The following FSD2 variants were observed in gnomAD, a reference collection of about 807,000 sequenced individuals.
FSD2 encodes the protein fibronectin type III and SPRY domain-containing protein 2.
In FSD2, 71 loss-of-function variants were observed where a neutral mutation model predicts 80.4. The observed-to-expected ratio is 0.88, with a 90% CI of 0.73 to 1.08. The LOEUF (loss-of-function observed/expected upper bound fraction) is 1.08. FSD2 is among the 50% of genes least tolerant of loss of function. The pLI, the probability that FSD2 is intolerant of heterozygous loss-of-function variation, is 0.00. For synonymous variants in FSD2, 361 were observed against 329.5 expected, an observed-to-expected ratio of 1.10 and a Z score of -1.03; for missense variants, 923 against 913.8, an observed-to-expected ratio of 1.01 and a Z score of -0.13.
At chr15:82,785,086 C>T (rs1029929910) in intron 3 of FSD2, among the ~76,000 whole-genome samples, 2 of 152,012 alleles carry the variant, frequency 1.3e-5, no homozygotes, top group African/African-American at 4.8e-5. Context: ...CTCTAGGGGC[C>T]AATATGACTA....
chr15:82,784,897 T>A (rs2049958912), intron 3 of FSD2, among the ~76,000 whole-genome samples: 1 of 152,170 alleles, frequency 6.6e-6, no homozygotes, highest in Admixed American at 6.5e-5. Flanking sequence ...TTACCATGTA[T>A]CTACTAGGGC....
chr15:82,772,316 A>C, intron 6 of FSD2, 88 bp from the exon 7 acceptor site: 1 of 1,330,998 alleles, frequency 7.5e-7, no homozygotes, highest in Non-Finnish European at 1.0e-6. Context: ...TGATCCCCCC[A>C]ATGAATCCAC....
At chr15:82,791,886 C>T (rs2050160171) in intron 1 of FSD2, among the ~76,000 whole-genome samples, 1 of 152,190 alleles carries the variant, frequency 6.6e-6, no homozygotes, top group Admixed American at 6.5e-5. Context: ...TTTCAAGATT[C>T]ATCCATGTCG....
chr15:82,781,955 T>C (rs893892756), intron 4 of FSD2, among the ~76,000 whole-genome samples: 4 of 149,854 alleles, frequency 2.7e-5, no homozygotes, highest in Non-Finnish European at 5.9e-5. Flanking sequence ...TCCCAGCTAC[T>C]CAGGAGGCTG....
chr15:82,755,995 G>C lies in FSD2; in HGVS notation c.*3353C>G, dbSNP rs750686216. 1 of 516,270 alleles carries C rather than the reference G, an allele frequency of 1.9e-6. No individual in the cohort carries two copies. Among genetic ancestry groups the C allele is most frequent in the Non-Finnish European group, 3.9e-6 (1 of 258,620 alleles). 32.0% of individuals were successfully genotyped at this position (516,270 alleles called of 1,614,324 possible). On this transcript the variant is annotated 3_prime_UTR_variant, in exon 13 of 13. Transcript: ENST00000334574. ...TGAAATCAAGCTGACTCTGCTTTTA[G>C]CCTCCTAAATGAAAAGGTAGATAGA...
At chr15:82,759,858 A>G (rs1363632457) in intron 12 of FSD2, among the ~76,000 whole-genome samples, 2 of 151,618 alleles carry the variant, frequency 1.3e-5, no homozygotes, top group Non-Finnish European at 2.9e-5. Context: ...CAGTGGTGCA[A>G]TCTCGGCTCA....
chr15:82,799,796 G>C (rs1198507006), intron 1 of FSD2, among the ~76,000 whole-genome samples: 1 of 152,214 alleles, frequency 6.6e-6, no homozygotes, highest in Non-Finnish European at 1.5e-5. Context: ...CGTAGAGTCA[G>C]AAAGTCTAGA....
At chr15:82,781,173 T>C (rs998430316) in intron 4 of FSD2, among the ~76,000 whole-genome samples, 8 of 152,258 alleles carry the variant, frequency 5.3e-5, no homozygotes, top group Admixed American at 5.2e-4. Flanking sequence ...CATCATTTAC[T>C]TGATGGTTCT....
In FSD2 at chr15:82,765,920, C is replaced by T. The variant is rs1405036913; in HGVS notation, c.1665G>A (p.Glu555=). 1.9e-6 allele frequency: 3 copies of T among 1,610,444 alleles called. No individual in the cohort carries two copies. The highest frequency in any genetic ancestry group is 2.5e-6 in the Non-Finnish European group (3 of 1,178,798). The part of the protein sequence containing the change: ...LNMGGPSVRS[E]PATVHTIGSY... The stretch of plus-strand genomic sequence containing the variant: ...GACCTATGGTGTGGACTGTAGCTGG[C>T]TCGCTCCTCACGCTGGGGCCCCCCA... The change falls in exon 10 of 13, where the codon GAG becomes GAA. Residue 555 remains glutamate, a synonymous_variant. Coordinates refer to ENST00000334574, the MANE Select transcript of FSD2 (RefSeq NM_001007122.4).
chr15:82,787,141 G>A lies in FSD2; in HGVS notation c.250C>T (p.His84Tyr), dbSNP rs1269708101. 3 of 1,613,854 alleles carry A rather than the reference G, an allele frequency of 1.9e-6. No homozygotes were observed. The Admixed American group carries it at 5.0e-5, about 27-fold the overall frequency. ...TCAACAAACTCATCCCCTAATTCATGATCATCTTCAAGTCCATATAAGTGG... is the reference window on the plus strand; with the variant it reads ...TCAACAAACTCATCCCCTAATTCATAATCATCTTCAAGTCCATATAAGTGG... ...LVHLYGLEDD[H>Y]ELGDEFVDEN... The change falls in exon 2 of 13, where the codon CAT (histidine) becomes TAT (tyrosine). Residue 84 changes from histidine to tyrosine, a missense_variant. By Grantham distance (83) the His-to-Tyr change is moderately conservative. Coordinates refer to ENST00000334574, the MANE Select transcript of FSD2 (RefSeq NM_001007122.4).
At chr15:82,790,544 TTGTG>T (rs57545404) in intron 1 of FSD2, among the ~76,000 whole-genome samples, 14 of 148,778 alleles carry the variant, frequency 9.4e-5, no homozygotes, top group East Asian at 2.0e-4. Context: ...GAGCTGCCAT[TTGTG>T]TGTGTGTGTG....
At chr15:82,795,255 G>T (rs925652929) in intron 1 of FSD2, among the ~76,000 whole-genome samples, 2 of 151,990 alleles carry the variant, frequency 1.3e-5, no homozygotes, top group African/African-American at 4.8e-5. Flanking sequence ...ATTTTTAATT[G>T]ATTCATTATG....
At position 82,757,648 on chromosome 15, in the gene FSD2, A is replaced by T. The variant is rs891460999; in HGVS notation, c.*1700T>A. On this transcript the variant is annotated 3_prime_UTR_variant, in exon 13 of 13. Coordinates refer to ENST00000334574, the MANE Select transcript of FSD2 (RefSeq NM_001007122.4). ...CGCCCGGCCGAGAACATTTTTAAAT[A>T]TACATGATATGTATCTTTTAATTGT... 1 of 152,208 alleles carries T rather than the reference A, an allele frequency of 6.6e-6. No individual in the cohort carries two copies. Among genetic ancestry groups the T allele is most frequent in the African/African-American group, 2.4e-5 (1 of 41,450 alleles). The allele number at this position is 152,208 out of a possible 1,614,324, so 9.4% of individuals were successfully genotyped here.
At chr15:82,790,742 A>ATTT (rs56148573) in intron 1 of FSD2, among the ~76,000 whole-genome samples, 1,434 of 132,652 alleles carry the variant, frequency 0.011, 14 homozygotes, top group Non-Finnish European at 0.014. Context: ...TGCCCAGCTA[A>ATTT]TTTTTTTTTT....
chr15:82,759,671 C>T, intron 12 of FSD2, 71 bp from the exon 13 acceptor site: 3 of 1,285,006 alleles, frequency 2.3e-6, no homozygotes, highest in Admixed American at 5.5e-5. Context: ...ACATTTCATA[C>T]TAATTTTATT....
At chr15:82,792,775 G>A (rs2050180895) in intron 1 of FSD2, among the ~76,000 whole-genome samples, 1 of 152,114 alleles carries the variant, frequency 6.6e-6, no homozygotes, top group Admixed American at 6.6e-5. Context: ...AGGGATTACA[G>A]GCATGAGCCA....
At position 82,778,757 on chromosome 15, in the gene FSD2, G is replaced by A; in HGVS notation, c.1111+9C>T. 1 of 1,603,644 alleles carries A rather than the reference G, an allele frequency of 6.2e-7. No individual in the cohort carries two copies. The highest frequency in any genetic ancestry group is 8.5e-7 in the Non-Finnish European group (1 of 1,174,766). On this transcript the variant is annotated intron_variant, in intron 6 of 12. Transcript: ENST00000334574. ...GAACCTGCCGCGAAGTACACACACAGGTGAGCACCTGGAATGGTGTTAATG... is the reference window on the plus strand; with the variant it reads ...GAACCTGCCGCGAAGTACACACACAAGTGAGCACCTGGAATGGTGTTAATG...
In FSD2 at chr15:82,787,131, C is replaced by T. The variant is rs767355163; in HGVS notation, c.260G>A (p.Gly87Glu). The T allele has an allele frequency of 1.5e-5, 25 of 1,613,874 alleles. No individual in the cohort carries two copies. In the African/African-American group the frequency reaches 3.2e-4, roughly 21 times the overall value. ...TATGTTTTCATCAACAAACTCATCC[C>T]CTAATTCATGATCATCTTCAAGTCC... is the stretch of plus-strand genomic sequence containing the variant. ...LYGLEDDHEL[G>E]DEFVDENIPR... Residue 87 changes from glycine (G) to glutamate (E), a missense_variant, in exon 2 of 13, where the codon GGG becomes GAG. Physicochemically the swap from Gly to Glu is moderately conservative, Grantham distance 98. Coordinates refer to ENST00000334574, the MANE Select transcript of FSD2 (RefSeq NM_001007122.4).
chr15:82,782,819 G>T lies in FSD2; in HGVS notation c.942C>A (p.His314Gln). The change falls in exon 4 of 13, where the codon CAC becomes CAA. Residue 314 changes from histidine to glutamine, a missense_variant. Coordinates refer to ENST00000334574, the MANE Select transcript of FSD2 (RefSeq NM_001007122.4). ...ELMETIEEMC[H>Q]EEKVDFIKDA... ...CCTTTATGAAATCCACCTTCTCCTC[G>T]TGACACATCTCCTCTATTGTTTCCA... The T allele has an allele frequency of 6.2e-7, 1 of 1,611,194 alleles. No individual in the cohort carries two copies. The highest frequency in any genetic ancestry group is 8.5e-7 in the Non-Finnish European group (1 of 1,178,980).
Sources: allele counts gnomAD v4.1 joint callset (sites outside exome capture counted in the v4.1 genomes callset), GRCh38; gene constraint gnomAD v4.1.1; transcripts MANE v1.5; gene names NCBI Gene and HGNC (gene_info 2026-07-23, HGNC 2026-07-21).